OVCH2: variants seen among roughly 807,000 people sequenced by gnomAD.
OVCH2 encodes ovochymase-2.
In OVCH2, 88 loss-of-function variants were observed where a neutral mutation model predicts 73.7. The ratio of observed to expected loss-of-function variants is 1.19; its 90% CI spans 1.01 to 1.43. The LOEUF (loss-of-function observed/expected upper bound fraction) is 1.43. Ranked by LOEUF, OVCH2 falls within the 40% of genes most tolerant of loss-of-function variation. OVCH2 has a pLI of 0.00. For missense variants in OVCH2, 706 were observed against 674.5 expected (o/e 1.05, Z -0.52); for synonymous variants, 265 against 234.5 (o/e 1.13, Z -1.19).
downstream of OVCH2, among the ~76,000 whole-genome samples, chr11:7,689,067 G>A (rs1049507916): frequency 6.6e-6 from 1 of 152,182 alleles, no homozygotes; most frequent in African/African-American, 2.4e-5. Context: ...GCTTAGCTAG[G>A]TGACAATCCA....
chr11:7,684,043 A>G, the OVCH2 span, among the ~76,000 whole-genome samples: 4 of 149,948 alleles, frequency 2.7e-5, no homozygotes, highest in African/African-American at 9.7e-5. Context: ...TATATTATAT[A>G]TATTACTTCT....
the OVCH2 span, among the ~76,000 whole-genome samples, chr11:7,680,953 T>C: frequency 1.3e-5 from 2 of 152,212 alleles, no homozygotes; most frequent in African/African-American, 4.8e-5. Flanking sequence ...TCTCATTGCT[T>C]TGATTGTGGG....
At chr11:7,695,022 T>C (rs895288556) in intron 12 of OVCH2, 36 bp downstream of exon 12, 17 of 1,535,810 alleles carry the variant, frequency 1.1e-5, no homozygotes, top group Middle Eastern at 1.7e-4. Context: ...TTCTGTGAAT[T>C]TACCATAGCT....
At position 7,689,468 on chromosome 11, in the gene OVCH2, T is replaced by G. The variant is rs1856177524; in HGVS notation, c.*166A>C. 6.1e-6 allele frequency: 2 copies of G among 329,476 alleles called. No homozygotes were observed. The highest frequency in any genetic ancestry group is 1.2e-5 in the Non-Finnish European group (2 of 165,284). The allele number at this position is 329,476 out of a possible 1,614,324, so 20.4% of individuals were successfully genotyped here. A position where few individuals can be genotyped will look rare whatever the true frequency, so the allele number is the denominator to read the frequency against. ...AGAACAACAGAAATTTATTGTCTCA[T>G]AGTTCTGGAGGCTAGAAGTCCAAGA... On this transcript the variant is annotated 3_prime_UTR_variant, in exon 16 of 16. Coordinates refer to ENST00000533663, the MANE Select transcript of OVCH2 (RefSeq NM_198185.7).
chr11:7,682,215 C>G, the OVCH2 span, among the ~76,000 whole-genome samples: 4 of 152,228 alleles, frequency 2.6e-5, no homozygotes. Context: ...CGGAAAGATT[C>G]TCTGCCTTCT....
At chr11:7,695,021 T>C (rs1856299972) in intron 12 of OVCH2, 37 bp downstream of exon 12, 1 of 1,535,760 alleles carries the variant, frequency 6.5e-7, no homozygotes, top group Non-Finnish European at 8.8e-7. Flanking sequence ...ATTCTGTGAA[T>C]TTACCATAGC....
At position 7,691,398 on chromosome 11, in the gene OVCH2, G is replaced by A. The variant is rs114134026; in HGVS notation, c.1510C>T (p.Arg504Trp). 3.9e-3 allele frequency: 6,234 copies of A among 1,610,972 alleles called. 212 individuals carry two copies. The African/African-American group carries it at 0.073, about 19-fold the overall frequency. Residue 504 changes from arginine to tryptophan, a missense_variant and splice_region_variant, in exon 14 of 16, where the codon CGG becomes TGG. Transcript: ENST00000533663. The part of the protein sequence containing the change: ...SDVERKKEIA[R>W]LCGYDVPTPV... Reference sequence around the variant, plus strand: ...GTGGGGACATCATAGCCACACAGCCGAGCTTGTTGAAGGCCAGCCCAGGCA... The same window carrying A: ...GTGGGGACATCATAGCCACACAGCCAAGCTTGTTGAAGGCCAGCCCAGGCA...
At chr11:7,701,615 T>G (rs930204061) in intron 5 of OVCH2, 101 bp downstream of exon 5, 5 of 1,428,438 alleles carry the variant, frequency 3.5e-6, no homozygotes, top group Admixed American at 2.3e-5. Flanking sequence ...TAGAAATGTA[T>G]GCACAATCGA....
intron 8 of OVCH2, 174 bp from the exon 9 acceptor site, chr11:7,696,973 T>A (rs999267936): frequency 1.1e-5 from 7 of 614,218 alleles, no homozygotes; most frequent in Non-Finnish European, 1.7e-5. Flanking sequence ...TCCTTTTAGA[T>A]CCTGCTTAAC....
At chr11:7,694,803 C>CTTTT (rs34314441) in intron 12 of OVCH2, among the ~76,000 whole-genome samples, 3,971 of 108,290 alleles carry the variant, frequency 0.037, 151 homozygotes, top group South Asian at 0.11. Flanking sequence ...TAAAGCGGCA[C>CTTTT]TTTTTTTTTT....
chr11:7,685,641 G>A (rs1590898516), downstream of OVCH2, among the ~76,000 whole-genome samples: 1 of 147,824 alleles, frequency 6.8e-6, no homozygotes, highest in Non-Finnish European at 1.5e-5. Context: ...GCTCCCACCC[G>A]GTCGGTGTCC....
downstream of OVCH2, among the ~76,000 whole-genome samples, chr11:7,688,428 G>T (rs569283135): frequency 3.3e-5 from 5 of 152,046 alleles, no homozygotes; most frequent in African/African-American, 1.2e-4. Flanking sequence ...TTTGCTGAAT[G>T]TACCCCCTGG....
intron 2 of OVCH2, 140 bp from the exon 3 acceptor site, chr11:7,703,929 C>T: frequency 1.4e-6 from 1 of 721,410 alleles, no homozygotes; most frequent in South Asian, 1.7e-5. Context: ...AAAGATAAAG[C>T]CCAGACACTA....
At chr11:7,693,808 A>G (rs1433275633) in intron 12 of OVCH2, among the ~76,000 whole-genome samples, 3 of 152,230 alleles carry the variant, frequency 2.0e-5, no homozygotes, top group South Asian at 2.1e-4. Context: ...GATATTTCAG[A>G]TACCACCAAT....
In OVCH2 at chr11:7,695,657, G is replaced by C. The variant is rs772475483; in HGVS notation, c.1195C>G (p.Leu399Val). The C allele has an allele frequency of 1.9e-6, 3 of 1,598,776 alleles. No individual in the cohort carries two copies. The Admixed American group carries it at 5.1e-5, about 27-fold the overall frequency. The change falls in exon 11 of 16, where the codon CTA becomes GTA. Residue 399 changes from leucine to valine, a missense_variant. By Grantham distance (32) the Leu-to-Val change is conservative. Transcript: ENST00000533663. Reference sequence around the variant, plus strand: ...GCATCAGAGACGAATTTCAGCCTTAGAGAATTAGAGCCAATAAGAATGGAT... The same window carrying C: ...GCATCAGAGACGAATTTCAGCCTTACAGAATTAGAGCCAATAAGAATGGAT... ...PSSILIGSNS[L>V]RLKFVSDATD...
downstream of OVCH2, among the ~76,000 whole-genome samples, chr11:7,685,622 T>A (rs1413348890): frequency 9.7e-6 from 1 of 102,774 alleles, no homozygotes; most frequent in Non-Finnish European, 1.9e-5. Context: ...TTCCACTTGC[T>A]CTTGAATAGC....
rs1306879545 is a variant in OVCH2 at position 7,699,059 on chromosome 11, T to C, written c.902-286A>G. ...TTTACATAAGAACAGAGGCTAGAGA[T>C]GGAAATAGTTTGTCCATAACTATAA... On this transcript the variant is annotated intron_variant, in intron 7 of 15. Transcript: ENST00000533663. 6 of 347,482 alleles carry C rather than the reference T, an allele frequency of 1.7e-5. No homozygotes were observed. The East Asian group carries it at 3.7e-4, about 22-fold the overall frequency. The allele number at this position is 347,482 out of a possible 1,614,324, so 21.5% of individuals were successfully genotyped here.
At chr11:7,680,257 T>C in the OVCH2 span, among the ~76,000 whole-genome samples, 1 of 152,264 alleles carries the variant, frequency 6.6e-6, no homozygotes, top group East Asian at 1.9e-4. Context: ...CAGTAGACAA[T>C]GTCAGAAATG....
At chr11:7,697,209 T>C (rs1162080448) in intron 8 of OVCH2, among the ~76,000 whole-genome samples, 4 of 152,194 alleles carry the variant, frequency 2.6e-5, no homozygotes, top group African/African-American at 9.6e-5. Flanking sequence ...GCTAATTTTT[T>C]GAAGAAATTA....
Sources: allele counts gnomAD v4.1 joint callset (sites outside exome capture counted in the v4.1 genomes callset), GRCh38; gene constraint gnomAD v4.1.1; transcripts MANE v1.5; gene names NCBI Gene and HGNC (gene_info 2026-07-23, HGNC 2026-07-21).